ADGRG5: variants seen among roughly 807,000 people sequenced by gnomAD.
ADGRG5 encodes G protein-coupled receptor 114.
A neutral mutation model predicts 53.2 loss-of-function variants in ADGRG5; 37 were observed. The ratio of observed to expected loss-of-function variants is 0.70; its 90% confidence interval spans 0.53 to 0.91. ADGRG5 has a LOEUF of 0.91. Among genes scored for constraint, ADGRG5 ranks in the 40% least tolerant of loss-of-function variants. The probability of loss-of-function intolerance (pLI) is 0.00; values close to 1 mark genes in which losing one functional copy is unlikely to be tolerated. For missense variants in ADGRG5, 614 were observed against 675.8 expected (o/e 0.91, Z 1.01); for synonymous variants, 277 against 290.4 (o/e 0.95, Z 0.47).
At chr16:57,535,971 A>C in the ADGRG5 span, among the ~76,000 whole-genome samples, 14 of 151,974 alleles carry the variant, frequency 9.2e-5, no homozygotes, top group Non-Finnish European at 2.1e-4. Context: ...GACCCCTCCC[A>C]AGCCGCTGGC....
At chr16:57,538,496 CTT>C (rs35503741), upstream of ADGRG5, among the ~76,000 whole-genome samples, 2,935 of 152,284 alleles carry the variant, frequency 0.019, 48 homozygotes, top group Non-Finnish European at 0.032. Context: ...CCCCAGCTAA[CTT>C]GGGAGGCAGA....
intron 1 of ADGRG5, among the ~76,000 whole-genome samples, chr16:57,558,800 C>T (rs2032936905): frequency 6.6e-6 from 1 of 150,432 alleles, no homozygotes; most frequent in Admixed American, 6.6e-5. Context: ...ATCCTGGACA[C>T]TAATGGGTTG....
intron 10 of ADGRG5, among the ~76,000 whole-genome samples, chr16:57,571,418 G>A (rs1329772989): frequency 6.6e-6 from 1 of 151,694 alleles, no homozygotes; most frequent in Non-Finnish European, 1.5e-5. Context: ...CCAGAGCCTG[G>A]CCCCCAGCCC....
chr16:57,540,394 A>G (rs4784822), upstream of ADGRG5, among the ~76,000 whole-genome samples: 80,909 of 152,116 alleles, frequency 0.53, 23,145 homozygotes, highest in African/African-American at 0.74. Context: ...CCCACCTACA[A>G]TCTTCTTGCA....
the ADGRG5 span, chr16:57,536,601 C>T: frequency 2.6e-5 from 4 of 152,128 alleles, no homozygotes; most frequent in African/African-American, 7.2e-5. Flanking sequence ...GAGGGAGGGC[C>T]GCGGAGTCTC....
In ADGRG5 at chr16:57,565,022, C is replaced by T. The variant is rs957767280; in HGVS notation, c.430-12C>T. Reference sequence around the variant, plus strand: ...TCCCCTCCACTCAGCCCTTCTCCTGCTGCCCTTCCAGGATGAAAACAACTC... The same window carrying T: ...TCCCCTCCACTCAGCCCTTCTCCTGTTGCCCTTCCAGGATGAAAACAACTC... On this transcript the variant is annotated splice_polypyrimidine_tract_variant and intron_variant, in intron 5 of 11. Transcript: ENST00000349457. 2.5e-6 allele frequency: 4 copies of T among 1,568,636 alleles called. No homozygotes were observed. Among genetic ancestry groups the T allele is most frequent in the Admixed American group, 3.3e-5 (2 of 59,756 alleles).
upstream of ADGRG5, among the ~76,000 whole-genome samples, chr16:57,539,487 C>G (rs1319808251): frequency 7.0e-6 from 1 of 143,432 alleles, no homozygotes; most frequent in Non-Finnish European, 1.5e-5. Context: ...GGGTCTCACT[C>G]TGTCACCCAG....
At chr16:57,563,045 C>A (rs1458141755) in intron 3 of ADGRG5, 46 bp from the exon 4 acceptor site, 2 of 1,610,394 alleles carry the variant, frequency 1.2e-6, no homozygotes, top group Non-Finnish European at 1.7e-6. Flanking sequence ...CTCACCCTTA[C>A]CCCACTCCGG....
At chr16:57,568,238 ACCAG>A in intron 9 of ADGRG5, 114 bp downstream of exon 9, 1 of 1,056,686 alleles carries the variant, frequency 9.5e-7, no homozygotes, top group Non-Finnish European at 1.4e-6. Flanking sequence ...TTACATGACC[ACCAG>A]CTGTGAACTC....
At position 57,567,483 on chromosome 16, in the gene ADGRG5, C is replaced by G. The variant is rs759094820; in HGVS notation, c.713C>G (p.Ala238Gly). The G allele has an allele frequency of 6.2e-7, 1 of 1,609,222 alleles. No homozygotes were observed. The highest frequency in any genetic ancestry group is 1.3e-5 in the African/African-American group (1 of 74,892). Residue 238 changes from alanine (A) to glycine (G), a missense_variant, in exon 8 of 12, where the codon GCC becomes GGC. Transcript: ENST00000349457. ...TCCCTCCTGCAGCAACTCTCCCCAGCCCTGGTCCCTGCAGAGTTGCTGGCA... is the reference window on the plus strand; with the variant it reads ...TCCCTCCTGCAGCAACTCTCCCCAGGCCTGGTCCCTGCAGAGTTGCTGGCA... ...YFAVLMQLSP[A>G]LVPAELLAPL...
At chr16:57,573,025 T>G (rs1238110459) in intron 10 of ADGRG5, among the ~76,000 whole-genome samples, 1 of 152,166 alleles carries the variant, frequency 6.6e-6, no homozygotes, top group Non-Finnish European at 1.5e-5. Context: ...ATCTGCAGGA[T>G]GAGGACGATT....
chr16:57,537,908 C>T (rs1239537003), upstream of ADGRG5, among the ~76,000 whole-genome samples: 9 of 151,740 alleles, frequency 5.9e-5, no homozygotes, highest in African/African-American at 1.9e-4. Flanking sequence ...ACAAGGGCAT[C>T]CACATTTTAC....
At chr16:57,564,050 C>T (rs1392704470) in intron 5 of ADGRG5, 71 bp downstream of exon 5, 4 of 1,530,518 alleles carry the variant, frequency 2.6e-6, no homozygotes, top group Non-Finnish European at 3.6e-6. Context: ...GTGCCCATGT[C>T]ACTGCCTGGC....
intron 1 of ADGRG5, among the ~76,000 whole-genome samples, chr16:57,546,491 G>A (rs1286809492): frequency 2.6e-5 from 4 of 152,134 alleles, no homozygotes; most frequent in African/African-American, 9.7e-5. Context: ...TACATAATGG[G>A]AAAATCAGCT....
In ADGRG5 at chr16:57,564,101, G is replaced by A. The variant is rs140680284; in HGVS notation, c.429+122G>A. ...ACTGAGTGAGACCAACCAGCCATCT[G>A]TGCAATCCAAGCCAGCAATTGTCCC... On this transcript the variant is annotated intron_variant, in intron 5 of 11. Coordinates refer to ENST00000349457, the MANE Select transcript of ADGRG5 (RefSeq NM_001304376.3). The A allele has an allele frequency of 6.1e-3, 6,737 of 1,095,832 alleles. 22 individuals carry two copies. The highest frequency in any genetic ancestry group is 8.1e-3 in the Non-Finnish European group (6,086 of 750,226). 67.9% of individuals were successfully genotyped at this position (1,095,832 alleles called of 1,614,324 possible).
upstream of ADGRG5, among the ~76,000 whole-genome samples, chr16:57,537,924 A>C (rs2032429122): frequency 6.6e-6 from 1 of 152,172 alleles, no homozygotes; most frequent in Non-Finnish European, 1.5e-5. Flanking sequence ...TTTACAGCTG[A>C]GGAAATGAAG....
chr16:57,548,719 CTTT>C (rs56928422), intron 1 of ADGRG5, among the ~76,000 whole-genome samples: 54 of 107,966 alleles, frequency 5.0e-4, no homozygotes, highest in Non-Finnish European at 5.8e-4. Context: ...TTGAGATTGG[CTTT>C]TTTTTTTTTT....
chr16:57,531,992 CTGTT>C, the ADGRG5 span, among the ~76,000 whole-genome samples: 16 of 152,304 alleles, frequency 1.1e-4, no homozygotes, highest in East Asian at 2.7e-3. Context: ...AGGCCATTTG[CTGTT>C]TGTTTATTGT....
chr16:57,562,727 A>C, intron 3 of ADGRG5: 2 of 552,190 alleles, frequency 3.6e-6, no homozygotes, highest in Non-Finnish European at 6.5e-6. Flanking sequence ...AGGGGGTCTA[A>C]GATTCTGGCT....
Sources: gnomAD v4.1 joint callset for allele counts (sites outside exome capture counted in the v4.1 genomes callset) on GRCh38, gnomAD v4.1.1 for gene constraint, MANE v1.5 for transcripts, NCBI Gene and HGNC (gene_info 2026-07-23, HGNC 2026-07-21) for gene names.